Variants in UBE2O observed in about 807,000 individuals in gnomAD.
The protein encoded by UBE2O is ubiquitin conjugating enzyme E2 O, also known as (E3-independent) E2 ubiquitin-conjugating enzyme.
A neutral mutation model predicts 125.8 loss-of-function variants in UBE2O; 15 were observed. The ratio of observed to expected loss-of-function variants is 0.12; its 90% CI spans 0.08 to 0.18. The LOEUF (loss-of-function observed/expected upper bound fraction) is 0.18, where lower values mean the gene tolerates loss of function less well. Ranked by LOEUF, UBE2O falls within the 10% of genes least tolerant of loss-of-function variation. The pLI is 1.00. For missense variants in UBE2O, 1,280 were observed against 1,723.6 expected, an observed-to-expected ratio of 0.74 and a Z score of 4.56; for synonymous variants, 708 against 703.2, an observed-to-expected ratio of 1.01 and a Z score of -0.11.
chr17:76,448,977 C>T (rs751450114), intron 1 of UBE2O, among the ~76,000 whole-genome samples: 2 of 152,244 alleles, frequency 1.3e-5, no homozygotes, highest in African/African-American at 4.8e-5. Context: ...ATATAAGAGA[C>T]ACTGGCCACT....
At chr17:76,418,944 C>A (rs986575022) in intron 1 of UBE2O, among the ~76,000 whole-genome samples, 2 of 152,076 alleles carry the variant, frequency 1.3e-5, no homozygotes, top group African/African-American at 4.8e-5. Context: ...GAATAAATTT[C>A]TGGGTGGAGA....
rs2072309566 is a variant in UBE2O, at chr17:76,400,797, C to T, written c.894+214G>A. On this transcript the variant is annotated intron_variant, in intron 6 of 17. Coordinates refer to ENST00000319380, the MANE Select transcript of UBE2O (RefSeq NM_022066.4). The surrounding 1 kb of genome is among the most constrained non-coding windows in gnomAD (Gnocchi z 4.3). ...CCACTTGCCACCCTCCCACCTTGCT[C>T]AGCCTGTACAGGCTGGGCTGGGGCA... Among the ~76,000 whole-genome samples the T allele has an allele frequency of 6.6e-6, 1 of 152,234 alleles. No homozygotes were observed. The highest frequency in any genetic ancestry group is 6.5e-5 in the Admixed American group (1 of 15,288).
intron 1 of UBE2O, among the ~76,000 whole-genome samples, chr17:76,414,012 G>A (rs1006194080): frequency 1.3e-5 from 2 of 152,218 alleles, no homozygotes; most frequent in African/African-American, 2.4e-5. Flanking sequence ...GCCAGTGTAA[G>A]GACTTTCTCA....
At position 76,452,597 on chromosome 17, in the gene UBE2O, G is replaced by A; in HGVS notation, c.417+128C>T. 2 of 867,580 alleles carry A rather than the reference G, an allele frequency of 2.3e-6. No homozygotes were observed. Among genetic ancestry groups the A allele is most frequent in the Non-Finnish European group, 3.1e-6 (2 of 640,710 alleles). The allele number at this position is 867,580 out of a possible 1,614,324, so 53.7% of individuals were successfully genotyped here. Reference sequence around the variant, plus strand: ...TGCATGGAGTGTACCCTCCACTGGGGCTGTCCTCCCGCGTCGGCCACTGCA... The same window carrying A: ...TGCATGGAGTGTACCCTCCACTGGGACTGTCCTCCCGCGTCGGCCACTGCA... On this transcript the variant is annotated intron_variant, in intron 1 of 17. Transcript: ENST00000319380. This position sits in a 1 kb window ranked among gnomAD's most constrained non-coding sequence, Gnocchi z 4.4.
At position 76,396,557 on chromosome 17, in the gene UBE2O, G is replaced by C; in HGVS notation, c.2380C>G (p.Pro794Ala). 1 of 1,611,010 alleles carries C rather than the reference G, an allele frequency of 6.2e-7. No individual in the cohort carries two copies. Among genetic ancestry groups the C allele is most frequent in the Non-Finnish European group, 8.5e-7 (1 of 1,178,942 alleles). ...GCCTTCTCCATCAGCCCGGCCATGG[G>C]GGCAGCCATGGCCACAGCCCCCTGG... ...AVQGAVAMAA[P>A]MAGLMEKAGK... Residue 794 changes from proline to alanine, a missense_variant, in exon 14 of 18, where the codon CCC becomes GCC. Transcript: ENST00000319380. The surrounding 1 kb of genome is among the most constrained non-coding windows in gnomAD (Gnocchi z 6.7).
chr17:76,393,761 T>A (rs1264046685), intron 15 of UBE2O, among the ~76,000 whole-genome samples: 1 of 151,990 alleles, frequency 6.6e-6, no homozygotes, highest in Non-Finnish European at 1.5e-5. Flanking sequence ...AATCTGTGCA[T>A]CTATTTGCGT....
At position 76,396,936 on chromosome 17, in the gene UBE2O, GC is replaced by G; in HGVS notation, c.2116-116del. On this transcript the variant is annotated intron_variant, in intron 13 of 17. Transcript: ENST00000319380. The surrounding 1 kb of genome is among the most constrained non-coding windows in gnomAD (Gnocchi z 6.7). Reference sequence around the variant, plus strand: ...AGCTGATGGCGACTGGGCTCATGAGGCCTTGGCAACCTCATTCCACCCTTTC... The same window carrying G: ...AGCTGATGGCGACTGGGCTCATGAGGCTTGGCAACCTCATTCCACCCTTTC... The G allele has an allele frequency of 1.1e-6, 1 of 919,466 alleles. No homozygotes were observed. Among genetic ancestry groups the G allele is most frequent in the Non-Finnish European group, 1.6e-6 (1 of 622,102 alleles). 57.0% of individuals were successfully genotyped at this position (919,466 alleles called of 1,614,324 possible).
Position 76,390,713 on chromosome 17 carries a change from G to C in UBE2O, c.*230C>G. ...AATGGAAAATCGGCAACAGGGTTCC[G>C]ATTTTCTTTGCCACAGGGGACCCGC... On this transcript the variant is annotated 3_prime_UTR_variant, in exon 18 of 18. Transcript: ENST00000319380. 2.3e-6 allele frequency: 1 copy of C among 435,904 alleles called. No homozygotes were observed. Among genetic ancestry groups the C allele is most frequent in the Middle Eastern group, 5.9e-4 (1 of 1,690 alleles). 27.0% of individuals were successfully genotyped at this position (435,904 alleles called of 1,614,324 possible). A position where few individuals can be genotyped will look rare whatever the true frequency, so the allele number is the denominator to read the frequency against.
At position 76,402,517 on chromosome 17, in the gene UBE2O, C is replaced by T; in HGVS notation, c.686+85G>A. 8.6e-7 allele frequency: 1 copy of T among 1,166,178 alleles called. No individual in the cohort carries two copies. The highest frequency in any genetic ancestry group is 1.3e-6 in the Non-Finnish European group (1 of 776,320). The allele number at this position is 1,166,178 out of a possible 1,614,324, so 72.2% of individuals were successfully genotyped here. On this transcript the variant is annotated intron_variant, in intron 4 of 17. Coordinates refer to ENST00000319380, the MANE Select transcript of UBE2O (RefSeq NM_022066.4). This position sits in a 1 kb window ranked among gnomAD's most constrained non-coding sequence, Gnocchi z 5.4. ...CCTTGATCAAACCTGTCATCACTGT[C>T]CCCAGGAGGAAACACCCTCCTCCTC...
At chr17:76,437,755 A>G (rs576593412) in intron 1 of UBE2O, among the ~76,000 whole-genome samples, 37 of 152,214 alleles carry the variant, frequency 2.4e-4, no homozygotes, top group African/African-American at 7.7e-4. Context: ...AATATATATC[A>G]TGATATGTAA....
chr17:76,396,013 G>C lies in UBE2O; in HGVS notation c.2809+115C>G, dbSNP rs1032030053. The C allele has an allele frequency of 6.8e-7, 1 of 1,476,930 alleles. No individual in the cohort carries two copies. Among genetic ancestry groups the C allele is most frequent in the African/African-American group, 1.4e-5 (1 of 71,462 alleles). 91.5% of individuals were successfully genotyped at this position (1,476,930 alleles called of 1,614,324 possible). ...CCACACAGGGAAATGGTTTGCCCTG[G>C]GGCAGTAGCTGGGGTCTGGCGAGGG... On this transcript the variant is annotated intron_variant, in intron 14 of 17. Coordinates refer to ENST00000319380, the MANE Select transcript of UBE2O (RefSeq NM_022066.4). The surrounding 1 kb of genome is among the most constrained non-coding windows in gnomAD (Gnocchi z 6.7).
In UBE2O at chr17:76,410,634, G is replaced by A. The variant is rs2072499865; in HGVS notation, c.418-5062C>T. Among the ~76,000 whole-genome samples the A allele has an allele frequency of 1.3e-5, 2 of 152,298 alleles. No individual in the cohort carries two copies. Among genetic ancestry groups the A allele is most frequent in the South Asian group, 4.1e-4 (2 of 4,822 alleles). Reference sequence around the variant, plus strand: ...GGGTCAGGGACAATGCCAGGGCAGAGGGCAACGTGGCAGGAGGCTGGGCAC... The same window carrying A: ...GGGTCAGGGACAATGCCAGGGCAGAAGGCAACGTGGCAGGAGGCTGGGCAC... On this transcript the variant is annotated intron_variant, in intron 1 of 17. Coordinates refer to ENST00000319380, the MANE Select transcript of UBE2O (RefSeq NM_022066.4). The surrounding 1 kb of genome is among the most constrained non-coding windows in gnomAD (Gnocchi z 4.0).
intron 1 of UBE2O, among the ~76,000 whole-genome samples, chr17:76,423,802 C>A (rs139858351): frequency 0.015 from 2,304 of 151,674 alleles, 20 homozygotes; most frequent in Middle Eastern, 0.027. Flanking sequence ...ATAGAGGTGG[C>A]CTACGGCACA....
intron 1 of UBE2O, among the ~76,000 whole-genome samples, chr17:76,408,459 T>C (rs2072460828): frequency 1.3e-5 from 2 of 152,202 alleles, no homozygotes; most frequent in African/African-American, 4.8e-5. Flanking sequence ...AGCTGGGACC[T>C]GAACGCAGGC....
At chr17:76,444,632 G>T (rs2073125905) in intron 1 of UBE2O, among the ~76,000 whole-genome samples, 1 of 152,216 alleles carries the variant, frequency 6.6e-6, no homozygotes. Context: ...GTCACACTCA[G>T]TGGTGTGAGA....
chr17:76,443,421 T>C (rs1488537157), intron 1 of UBE2O, among the ~76,000 whole-genome samples: 1 of 152,170 alleles, frequency 6.6e-6, no homozygotes, highest in African/African-American at 2.4e-5. Context: ...CCCGAGTAGC[T>C]GGGATCACAG....
In UBE2O at chr17:76,400,190, G is replaced by A. The variant is rs1375193801; in HGVS notation, c.1112C>T (p.Pro371Leu). The change falls in exon 8 of 18, where the codon CCA (proline) becomes CTA (leucine). Residue 371 changes from proline to leucine, a missense_variant. Transcript: ENST00000319380. This position sits in a 1 kb window ranked among gnomAD's most constrained non-coding sequence, Gnocchi z 4.3. ...CTCCCCCTGGGCGCAGTTTTTTTCT[G>A]GACATTCCCAGGCAATCTTGGCTGG... is the stretch of plus-strand genomic sequence containing the variant. ...VEPAKIAWEC[P>L]EKNCAQGEGS... 2 of 1,614,036 alleles carry A rather than the reference G, an allele frequency of 1.2e-6. No individual in the cohort carries two copies. Among genetic ancestry groups the A allele is most frequent in the South Asian group, 2.2e-5 (2 of 91,078 alleles).
At chr17:76,428,710 G>T (rs755034817) in intron 1 of UBE2O, among the ~76,000 whole-genome samples, 1 of 152,144 alleles carries the variant, frequency 6.6e-6, no homozygotes, top group Non-Finnish European at 1.5e-5. Flanking sequence ...GATCTTTGTG[G>T]TGATGGAAGA....
At chr17:76,421,443 C>T (rs982709462) in intron 1 of UBE2O, among the ~76,000 whole-genome samples, 1 of 152,114 alleles carries the variant, frequency 6.6e-6, no homozygotes, top group African/African-American at 2.4e-5. Flanking sequence ...TCTCGGCACA[C>T]CATAGCCTGC....
Sources: gnomAD v4.1 joint callset for allele counts (sites outside exome capture counted in the v4.1 genomes callset) on GRCh38, gnomAD v4.1.1 for gene constraint, Gnocchi (gnomAD v3.1) non-coding constraint, MANE v1.5 for transcripts, NCBI Gene and HGNC (gene_info 2026-07-23, HGNC 2026-07-21) for gene names.